Variants in RIPOR3 observed in about 807,000 individuals in gnomAD.
RIPOR3 encodes the protein family with sequence similarity 65 member C.
Under a neutral mutation model 114.3 loss-of-function variants are expected in RIPOR3, and 95 were observed. That is an observed-to-expected ratio of 0.83 (90% CI 0.70 to 0.99). The LOEUF (loss-of-function observed/expected upper bound fraction) is 0.99, where lower values mean the gene tolerates loss of function less well. RIPOR3 is among the 50% of genes least tolerant of loss of function. The pLI, the probability that RIPOR3 is intolerant of heterozygous loss-of-function variation, is 0.00. For missense variants in RIPOR3, 1,252 were observed against 1,266.9 expected, an observed-to-expected ratio of 0.99 and a Z score of 0.18; for synonymous variants, 575 against 543.8, an observed-to-expected ratio of 1.06 and a Z score of -0.80.
intron 1 of RIPOR3, among the ~76,000 whole-genome samples, chr20:50,662,467 C>T (rs1401558060): frequency 6.6e-6 from 1 of 152,208 alleles, no homozygotes; most frequent in African/African-American, 2.4e-5. Context: ...GCTTGGAGCC[C>T]AGGTGGTGGA....
intron 1 of RIPOR3, among the ~76,000 whole-genome samples, chr20:50,689,961 A>G (rs546067446): frequency 6.6e-6 from 1 of 152,280 alleles, no homozygotes; most frequent in East Asian, 1.9e-4. Context: ...GGGATTCCCC[A>G]CCTGCTGTGT....
At chr20:50,649,090 C>A (rs2085513008) in intron 1 of RIPOR3, among the ~76,000 whole-genome samples, 1 of 152,174 alleles carries the variant, frequency 6.6e-6, no homozygotes, top group South Asian at 2.1e-4. Context: ...TCTGTTGTCC[C>A]ATGGTGCTTC....
At chr20:50,646,521 C>T (rs975758153) in intron 1 of RIPOR3, among the ~76,000 whole-genome samples, 8 of 145,508 alleles carry the variant, frequency 5.5e-5, no homozygotes, top group Non-Finnish European at 1.0e-4. Context: ...TTTCTAGAAC[C>T]CAAAGCCTTG....
intron 1 of RIPOR3, among the ~76,000 whole-genome samples, chr20:50,679,967 GACAA>G (rs2086807559): frequency 6.6e-6 from 1 of 152,040 alleles, no homozygotes; most frequent in Non-Finnish European, 1.5e-5. Context: ...AAAACAAACA[GACAA>G]ACAAACAGTA....
At chr20:50,685,302 C>T (rs544803454) in intron 1 of RIPOR3, among the ~76,000 whole-genome samples, 37 of 150,430 alleles carry the variant, frequency 2.5e-4, no homozygotes, top group African/African-American at 8.6e-4. Flanking sequence ...CTGCAACCTC[C>T]GCCTCCCAAG....
intron 1 of RIPOR3, among the ~76,000 whole-genome samples, chr20:50,678,509 G>T (rs905966877): frequency 2.6e-5 from 4 of 152,202 alleles, no homozygotes; most frequent in Non-Finnish European, 5.9e-5. Flanking sequence ...CAAGGCCAAG[G>T]TTATCATGGG....
chr20:50,642,973 G>A (rs1210569410), intron 1 of RIPOR3, among the ~76,000 whole-genome samples: 2 of 151,956 alleles, frequency 1.3e-5, no homozygotes, highest in Admixed American at 6.6e-5. Flanking sequence ...GCTTGAACCC[G>A]GGAGGCAGAG....
Position 50,608,688 on chromosome 20 carries a change from C to T in RIPOR3, c.735G>A (p.Glu245=). The change falls in exon 10 of 22, where the codon GAG becomes GAA. Residue 245 remains glutamate (E), a synonymous_variant. Transcript: ENST00000327979. ...RQRWKLKGRI[E]SDDSQTWDEE... ...CGTCCCAGGTCTGGCTGTCATCTGA[C>T]TCGATCCGACCCTTGAGCTTCCAAC... 1.2e-6 allele frequency: 2 copies of T among 1,614,080 alleles called. No individual in the cohort carries two copies. Among genetic ancestry groups the T allele is most frequent in the South Asian group, 1.1e-5 (1 of 91,088 alleles).
At chr20:50,600,809 AT>A (rs1177929583) in intron 13 of RIPOR3, among the ~76,000 whole-genome samples, 3 of 152,284 alleles carry the variant, frequency 2.0e-5, no homozygotes, top group Non-Finnish European at 4.4e-5. Context: ...TATTTCTTAA[AT>A]TTTTTTCTGG....
intron 2 of RIPOR3, chr20:50,620,910 C>T: frequency 6.7e-6 from 4 of 599,634 alleles, no homozygotes; most frequent in Admixed American, 3.9e-5. Context: ...TGTGGCTTTG[C>T]CCTGTACAAG....
chr20:50,666,181 C>CCTTTTCTTTTCTTTTCTTT (rs1600720832), intron 1 of RIPOR3, among the ~76,000 whole-genome samples: 1 of 14,926 alleles, frequency 6.7e-5, no homozygotes, highest in African/African-American at 9.2e-5. Context: ...GAAAGGACAC[C>CCTTTTCTTTTCTTTTCTTT]CATTTCTTTT....
intron 20 of RIPOR3, 130 bp from the exon 21 acceptor site, chr20:50,588,022 C>T: frequency 1.2e-6 from 1 of 829,754 alleles, no homozygotes; most frequent in Non-Finnish European, 1.8e-6. Flanking sequence ...TTTCTCCAGG[C>T]TTCCAGGTTT....
intron 11 of RIPOR3, among the ~76,000 whole-genome samples, chr20:50,607,677 G>A (rs1041405661): frequency 6.6e-6 from 1 of 152,148 alleles, no homozygotes; most frequent in Admixed American, 6.5e-5. Context: ...CCCCGAGGGT[G>A]CAGGTGGTCG....
At chr20:50,663,558 C>G (rs1419477235) in intron 1 of RIPOR3, among the ~76,000 whole-genome samples, 7 of 152,066 alleles carry the variant, frequency 4.6e-5, no homozygotes, top group Admixed American at 4.6e-4. Context: ...GCACATGAGC[C>G]CAAGGTCAGC....
intron 13 of RIPOR3, among the ~76,000 whole-genome samples, chr20:50,599,198 C>T (rs1601467280): frequency 6.6e-6 from 1 of 152,210 alleles, no homozygotes; most frequent in African/African-American, 2.4e-5. Flanking sequence ...TCAAGACCAG[C>T]CTAGCCAACA....
At chr20:50,687,556 A>G (rs2087070733) in intron 1 of RIPOR3, among the ~76,000 whole-genome samples, 1 of 152,206 alleles carries the variant, frequency 6.6e-6, no homozygotes, top group Non-Finnish European at 1.5e-5. Context: ...TGCATGGGCG[A>G]GTACATATAT....
At chr20:50,609,415 A>AG in intron 7 of RIPOR3, 59 bp from the exon 8 acceptor site, 3 of 1,588,768 alleles carry the variant, frequency 1.9e-6, no homozygotes, top group Non-Finnish European at 2.6e-6. Flanking sequence ...GAGGGCCTCT[A>AG]ACCATCCCTG....
At chr20:50,675,880 G>A (rs927744463) in intron 1 of RIPOR3, among the ~76,000 whole-genome samples, 1 of 152,146 alleles carries the variant, frequency 6.6e-6, no homozygotes, top group Non-Finnish European at 1.5e-5. Flanking sequence ...CGGCAGACGG[G>A]GCAGGAGATC....
In RIPOR3 at chr20:50,608,424, C is replaced by T; in HGVS notation, c.921G>A (p.Leu307=). ...PQVIVVDITE[L]GTIKLQLEVQ... is the part of the protein sequence containing the mutation. Reference sequence around the variant, plus strand: ...CCTCCAGCTGCAGCTTGATGGTACCCAACTCCGTGATGTCCACCACGATGA... The same window carrying T: ...CCTCCAGCTGCAGCTTGATGGTACCTAACTCCGTGATGTCCACCACGATGA... Residue 307 remains leucine, a synonymous_variant, in exon 11 of 22, where the codon TTG becomes TTA. Transcript: ENST00000327979. The T allele has an allele frequency of 6.2e-7, 1 of 1,614,026 alleles. No individual in the cohort carries two copies. The highest frequency in any genetic ancestry group is 8.5e-7 in the Non-Finnish European group (1 of 1,179,954).
Sources: gnomAD v4.1 joint callset for allele counts (sites outside exome capture counted in the v4.1 genomes callset) on GRCh38, gnomAD v4.1.1 for gene constraint, MANE v1.5 for transcripts, NCBI Gene and HGNC (gene_info 2026-07-23, HGNC 2026-07-21) for gene names.